NBAS: variants seen among roughly 807,000 people sequenced by gnomAD.
The protein encoded by NBAS is NBAS subunit of NRZ tethering complex.
A neutral mutation model predicts 302.5 loss-of-function variants in NBAS; 219 were observed. The ratio of observed to expected loss-of-function variants is 0.72; its 90% CI spans 0.65 to 0.81. The LOEUF (loss-of-function observed/expected upper bound fraction) is 0.81. NBAS is among the 30% of genes least tolerant of loss of function. The pLI is 0.00. For synonymous variants in NBAS, 1,118 were observed against 1,021.6 expected (o/e 1.09, Z -1.80); for missense variants, 2,932 against 2,841.6 (o/e 1.03, Z -0.72).
At chr2:14,830,007 A>T in the NBAS span, among the ~76,000 whole-genome samples, 2 of 152,318 alleles carry the variant, frequency 1.3e-5, no homozygotes, top group African/African-American at 4.8e-5. Flanking sequence ...TGGGAAATAT[A>T]GAGGCTGGTC....
chr2:15,416,541 C>T (rs965670927), intron 24 of NBAS, among the ~76,000 whole-genome samples: 3 of 152,192 alleles, frequency 2.0e-5, no homozygotes, highest in South Asian at 2.1e-4. Flanking sequence ...AGGTGGCTCA[C>T]GCCTATCATC....
chr2:15,385,651 T>C (rs1196164461), intron 28 of NBAS, among the ~76,000 whole-genome samples: 1 of 152,184 alleles, frequency 6.6e-6, no homozygotes, highest in African/African-American at 2.4e-5. Context: ...TGTACTCAAG[T>C]TCGTAAAACT....
intron 40 of NBAS, among the ~76,000 whole-genome samples, chr2:15,306,268 T>C (rs1197523332): frequency 6.6e-6 from 1 of 152,226 alleles, no homozygotes; most frequent in East Asian, 1.9e-4. Flanking sequence ...AGTATCTGTA[T>C]AAAGCAGCAG....
chr2:15,053,936 C>T, the NBAS span, among the ~76,000 whole-genome samples: 10 of 111,408 alleles, frequency 9.0e-5, no homozygotes, highest in African/African-American at 5.6e-4. Context: ...TACTTCCCTC[C>T]TTGTGAAAAA....
At chr2:14,843,910 G>T in the NBAS span, among the ~76,000 whole-genome samples, 3 of 151,874 alleles carry the variant, frequency 2.0e-5, no homozygotes, top group East Asian at 3.9e-4. Context: ...CCATCTCAGC[G>T]GTCGGAACTT....
At chr2:15,234,805 T>C in intron 45 of NBAS, 58 bp from the exon 46 acceptor site, 1 of 1,538,032 alleles carries the variant, frequency 6.5e-7, no homozygotes, top group Non-Finnish European at 9.0e-7. Context: ...TGTATCTACA[T>C]GCACAAAGTG....
At chr2:15,326,037 C>G (rs1313854381) in intron 38 of NBAS, among the ~76,000 whole-genome samples, 1 of 152,180 alleles carries the variant, frequency 6.6e-6, no homozygotes, top group Admixed American at 6.5e-5. Flanking sequence ...AGTCAAAACA[C>G]ACACAACATT....
At chr2:15,528,887 A>ATGTGTGTGTG (rs1663074948) in intron 9 of NBAS, among the ~76,000 whole-genome samples, 1 of 144,398 alleles carries the variant, frequency 6.9e-6, no homozygotes, top group African/African-American at 2.5e-5. Flanking sequence ...AAATATATAT[A>ATGTGTGTGTG]TATATATATA....
chr2:15,264,855 A>T (rs1005296630), intron 44 of NBAS, among the ~76,000 whole-genome samples: 1 of 152,148 alleles, frequency 6.6e-6, no homozygotes, highest in African/African-American at 2.4e-5. Context: ...AGACGGATGA[A>T]AATGTTTTAT....
At chr2:15,229,264 C>T (rs1424928307) in intron 47 of NBAS, among the ~76,000 whole-genome samples, 2 of 147,544 alleles carry the variant, frequency 1.4e-5, no homozygotes, top group African/African-American at 5.0e-5. Context: ...ATCACTTGAA[C>T]CCGGGGGCAG....
intron 44 of NBAS, among the ~76,000 whole-genome samples, chr2:15,273,055 G>A (rs962616): frequency 0.58 from 88,595 of 151,968 alleles, 28,485 homozygotes; most frequent in African/African-American, 0.85. Context: ...CTACACACAC[G>A]CTCACGATTA....
intron 35 of NBAS, among the ~76,000 whole-genome samples, chr2:15,340,320 T>C (rs555546539): frequency 2.0e-5 from 3 of 152,236 alleles, no homozygotes; most frequent in African/African-American, 4.8e-5. Flanking sequence ...GTCAGCACGA[T>C]GTCCCAAAGA....
the NBAS span, among the ~76,000 whole-genome samples, chr2:15,056,851 C>A: frequency 7.6e-6 from 1 of 131,042 alleles, no homozygotes; most frequent in Non-Finnish European, 1.6e-5. Flanking sequence ...TTTTTTTTGA[C>A]GGAGTCTCAC....
the NBAS span, among the ~76,000 whole-genome samples, chr2:15,015,757 T>C: frequency 6.6e-6 from 1 of 152,222 alleles, no homozygotes; most frequent in African/African-American, 2.4e-5. Context: ...CTCACCACTC[T>C]TATTCAACAT....
the NBAS span, among the ~76,000 whole-genome samples, chr2:14,860,602 T>C: frequency 2.6e-5 from 4 of 152,174 alleles, no homozygotes; most frequent in African/African-American, 9.6e-5. Flanking sequence ...ATCCCACATG[T>C]TCTCACTCAT....
At chr2:15,444,614 A>C (rs1678622803) in intron 21 of NBAS, among the ~76,000 whole-genome samples, 1 of 152,194 alleles carries the variant, frequency 6.6e-6, no homozygotes, top group Admixed American at 6.5e-5. Context: ...CATGTCTAAA[A>C]CACCAAAAGC....
At position 15,480,067 on chromosome 2, in the gene NBAS, ATGGTGGCTCACGCC is replaced by A. The variant is rs200807113; in HGVS notation, c.1084-1792_1084-1779del. ...TAGTGAAAACATATTGGGGCCAGGC[ATGGTGGCTCACGCC>A]TGTAATCCCAGAACTTTGGAAGGCC... On this transcript the variant is annotated intron_variant, in intron 12 of 51. Coordinates refer to ENST00000281513, the MANE Select transcript of NBAS (RefSeq NM_015909.4). 4.7e-3 allele frequency among the ~76,000 whole-genome samples: 722 copies of A among 152,306 alleles called. 8 individuals carry two copies. Among genetic ancestry groups the A allele is most frequent in the African/African-American group, 0.016 (671 of 41,570 alleles).
intron 28 of NBAS, among the ~76,000 whole-genome samples, chr2:15,383,779 C>T (rs992714079): frequency 1.3e-5 from 2 of 152,170 alleles, no homozygotes; most frequent in African/African-American, 4.8e-5. Flanking sequence ...ATAGGACAAC[C>T]GCAGGCCACA....
At chr2:15,055,290 G>C in the NBAS span, among the ~76,000 whole-genome samples, 1 of 152,206 alleles carries the variant, frequency 6.6e-6, no homozygotes. Context: ...GAAGGATCTG[G>C]AAGAGGAAGA....
Sources: allele counts gnomAD v4.1 joint callset (sites outside exome capture counted in the v4.1 genomes callset), GRCh38; gene constraint gnomAD v4.1.1; transcripts MANE v1.5; gene names NCBI Gene and HGNC (gene_info 2026-07-23, HGNC 2026-07-21).